Variants in CTNNA3 observed in about 807,000 individuals in gnomAD.
The protein encoded by CTNNA3 is catenin alpha 3.
In CTNNA3, 76 loss-of-function variants were observed where a neutral mutation model predicts 95.7. The ratio of observed to expected loss-of-function variants is 0.79; its 90% CI spans 0.66 to 0.96. CTNNA3 has a LOEUF of 0.96. Ranked by LOEUF, CTNNA3 falls within the 40% of genes least tolerant of loss-of-function variation. CTNNA3 has a pLI of 0.00. For missense variants in CTNNA3, 1,191 were observed against 1,089.8 expected (o/e 1.09, Z -1.31); for synonymous variants, 431 against 374.4 (o/e 1.15, Z -1.74).
At chr10:66,802,398 A>G (rs1841464913) in intron 7 of CTNNA3, among the ~76,000 whole-genome samples, 1 of 151,838 alleles carries the variant, frequency 6.6e-6, no homozygotes, top group South Asian at 2.1e-4. Flanking sequence ...CAATAAACAC[A>G]TGAAAAATTA....
chr10:66,307,331 G>T (rs762873008), intron 12 of CTNNA3, among the ~76,000 whole-genome samples: 93 of 152,028 alleles, frequency 6.1e-4, no homozygotes, highest in Non-Finnish European at 1.1e-3. Context: ...TATAGTATCT[G>T]GAAAATGTTA....
At chr10:66,665,809 A>G (rs1401425966) in intron 9 of CTNNA3, among the ~76,000 whole-genome samples, 1 of 152,178 alleles carries the variant, frequency 6.6e-6, no homozygotes, top group African/African-American at 2.4e-5. Context: ...TTTGTTTTAT[A>G]AATTTTTTCC....
intron 9 of CTNNA3, among the ~76,000 whole-genome samples, chr10:66,668,032 A>T (rs1345578594): frequency 1.3e-5 from 2 of 152,180 alleles, no homozygotes; most frequent in East Asian, 3.9e-4. Context: ...TGATGAAAGG[A>T]TCATGAATCA....
intron 1 of CTNNA3, chr10:67,750,171 G>A (rs775538101): frequency 7.5e-5 from 82 of 1,094,190 alleles, no homozygotes; most frequent in Non-Finnish European, 1.1e-4. Flanking sequence ...ACGAAGGTCC[G>A]TGGCTTCATT....
At chr10:67,619,070 C>T (rs1438496423) in intron 2 of CTNNA3, among the ~76,000 whole-genome samples, 1 of 152,066 alleles carries the variant, frequency 6.6e-6, no homozygotes. Context: ...AAGGTGAAGC[C>T]AAGAGACTTA....
intron 3 of CTNNA3, among the ~76,000 whole-genome samples, chr10:67,552,400 ATGTACAGGTTTGTTACC>A (rs935802118): frequency 1.3e-5 from 2 of 151,896 alleles, no homozygotes; most frequent in Non-Finnish European, 2.9e-5. Flanking sequence ...CATGTGCAGG[ATGTACAGGTTTGTTACC>A]TGTACATCGA....
At chr10:67,256,418 G>T (rs1197611955) in intron 5 of CTNNA3, among the ~76,000 whole-genome samples, 1 of 151,818 alleles carries the variant, frequency 6.6e-6, no homozygotes. Context: ...AAAATATTAG[G>T]GCATTAAATT....
rs188176950 is a variant in CTNNA3 at position 66,352,840 on chromosome 10, A to G, written c.1732+26312T>C. 1.8e-4 allele frequency among the ~76,000 whole-genome samples: 27 copies of G among 152,258 alleles called. 1 individual carries two copies. The highest frequency in any genetic ancestry group is 3.8e-4 in the Non-Finnish European group (26 of 67,980). ...ATTCTTATCTGGCAAAACTATTTTT[A>G]AAAGAAATAACAAACAAACAAAAGC... On this transcript the variant is annotated intron_variant, in intron 12 of 17. Coordinates refer to ENST00000433211, the MANE Select transcript of CTNNA3 (RefSeq NM_013266.4).
rs764381058 is a variant in CTNNA3, at chr10:67,342,099, C to CTTTT, written c.580-122233_580-122230dup. On this transcript the variant is annotated intron_variant, in intron 5 of 17. Transcript: ENST00000433211. ...TTCTTTTAATTTATTTATTTTTCTTCTTTTTTTTTTTTTTTTTTTTTAGAC... is the reference window on the plus strand; with the variant it reads ...TTCTTTTAATTTATTTATTTTTCTTCTTTTTTTTTTTTTTTTTTTTTTTTTAGAC... 1.9e-3 allele frequency among the ~76,000 whole-genome samples: 157 copies of CTTTT among 83,666 alleles called. 2 individuals are homozygous for CTTTT. The highest frequency in any genetic ancestry group is 2.5e-3 in the Non-Finnish European group (113 of 45,972). 54.9% of individuals were successfully genotyped at this position (83,666 alleles called of 152,430 possible). A position where few individuals can be genotyped will look rare whatever the true frequency, so the allele number is the denominator to read the frequency against.
At chr10:66,726,522 T>C (rs910266853) in intron 9 of CTNNA3, among the ~76,000 whole-genome samples, 6 of 152,112 alleles carry the variant, frequency 3.9e-5, no homozygotes, top group Non-Finnish European at 5.9e-5. Flanking sequence ...CATTCTATTT[T>C]GAACATCACT....
chr10:66,216,345 T>C (rs192128469), intron 13 of CTNNA3, among the ~76,000 whole-genome samples: 12 of 152,332 alleles, frequency 7.9e-5, no homozygotes, highest in Admixed American at 7.2e-4. Flanking sequence ...TGGCAGGTAA[T>C]TGTGTGGGGA....
chr10:66,605,949 A>G (rs1171082655), intron 10 of CTNNA3, among the ~76,000 whole-genome samples: 1 of 152,180 alleles, frequency 6.6e-6, no homozygotes, highest in Non-Finnish European at 1.5e-5. Flanking sequence ...GAATCCACAC[A>G]TACCAATACT....
At chr10:66,365,099 T>A (rs762768418) in intron 12 of CTNNA3, among the ~76,000 whole-genome samples, 2 of 152,138 alleles carry the variant, frequency 1.3e-5, no homozygotes, top group Non-Finnish European at 2.9e-5. Context: ...ATAAGATATA[T>A]GTGCACTAAA....
chr10:65,940,367 G>A (rs142608179), intron 17 of CTNNA3, among the ~76,000 whole-genome samples: 101 of 152,240 alleles, frequency 6.6e-4, no homozygotes, highest in African/African-American at 2.2e-3. Flanking sequence ...ATAAACTACA[G>A]GCATGTTCTG....
At chr10:67,665,425 A>G (rs191217521) in intron 1 of CTNNA3, 1 of 152,340 alleles carries the variant, frequency 6.6e-6, no homozygotes, top group African/African-American at 2.4e-5. Context: ...CATTTTATAG[A>G]AATAATGTCC....
At chr10:67,048,803 TCATAA>T (rs1350875236) in intron 7 of CTNNA3, among the ~76,000 whole-genome samples, 1 of 152,062 alleles carries the variant, frequency 6.6e-6, no homozygotes, top group Non-Finnish European at 1.5e-5. Flanking sequence ...GTATTATATC[TCATAA>T]CATAATAGTA....
At chr10:66,102,704 G>C (rs1289288641) in intron 14 of CTNNA3, among the ~76,000 whole-genome samples, 2 of 151,764 alleles carry the variant, frequency 1.3e-5, no homozygotes, top group African/African-American at 2.4e-5. Context: ...GGTGGCAGTG[G>C]TGGTGGTGGT....
chr10:66,862,337 C>G (rs1348933081), intron 7 of CTNNA3, among the ~76,000 whole-genome samples: 1 of 152,048 alleles, frequency 6.6e-6, no homozygotes, highest in Non-Finnish European at 1.5e-5. Context: ...ATGTATGCTG[C>G]CTAAAGTTAC....
chr10:67,753,248 C>T (rs1329500261), intron 1 of CTNNA3, among the ~76,000 whole-genome samples: 1 of 152,048 alleles, frequency 6.6e-6, no homozygotes, highest in Non-Finnish European at 1.5e-5. Context: ...ATAAATGGTG[C>T]TGGGAAAACT....
Sources: allele counts gnomAD v4.1 joint callset (sites outside exome capture counted in the v4.1 genomes callset), GRCh38; gene constraint gnomAD v4.1.1; transcripts MANE v1.5; gene names NCBI Gene and HGNC (gene_info 2026-07-23, HGNC 2026-07-21).